Variants in FANCM observed in about 807,000 individuals in gnomAD.
The protein encoded by FANCM is FA complementation group M.
In FANCM, 140 loss-of-function variants were observed where a neutral mutation model predicts 199.5. That is an observed-to-expected ratio of 0.70 (90% CI 0.61 to 0.81). The LOEUF is 0.81. Among genes scored for constraint, FANCM ranks in the 30% least tolerant of loss-of-function variants. The pLI is 0.00. For missense variants in FANCM, 2,410 were observed against 2,421.4 expected (o/e 1.00, Z 0.10); for synonymous variants, 840 against 836.8 (o/e 1.00, Z -0.07).
At chr14:45,187,298 T>C (rs1889461898) in intron 18 of FANCM, among the ~76,000 whole-genome samples, 1 of 151,118 alleles carries the variant, frequency 6.6e-6, no homozygotes, top group Admixed American at 6.6e-5. Flanking sequence ...ATTATAACTT[T>C]TAAAAATGCT....
Position 45,135,954 on chromosome 14 carries a change from G to T in FANCM, c.-78G>T. 3.3e-6 allele frequency: 5 copies of T among 1,505,544 alleles called. No individual in the cohort carries two copies. The highest frequency in any genetic ancestry group is 4.6e-6 in the Non-Finnish European group (5 of 1,086,186). The allele number at this position is 1,505,544 out of a possible 1,614,324, so 93.3% of individuals were successfully genotyped here. On this transcript the variant is annotated 5_prime_UTR_variant, in exon 1 of 23. Coordinates refer to ENST00000267430, the MANE Select transcript of FANCM (RefSeq NM_020937.4). ...TCCAGAGTTTTGTGCGAAGGAAACC[G>T]ATGGGGATCGGAACCGTAGCGGTTG...
chr14:45,176,680 A>G lies in FANCM; in HGVS notation c.3926A>G (p.His1309Arg). 2 of 1,613,806 alleles carry G rather than the reference A, an allele frequency of 1.2e-6. No homozygotes were observed. Among genetic ancestry groups the G allele is most frequent in the Non-Finnish European group, 1.7e-6 (2 of 1,179,850 alleles). The change falls in exon 14 of 23, where the codon CAT becomes CGT. Residue 1309 changes from histidine to arginine, a missense_variant. His to Arg is a conservative substitution (Grantham distance 29). Transcript: ENST00000267430. ...GATATGCAGAATCCAAATTATGTAC[A>G]TTTGCCACTGAGTGCAGCAAAAAAT... is the stretch of plus-strand genomic sequence containing the variant. ...NEDMQNPNYV[H>R]LPLSAAKNEE...
chr14:45,136,388 T>C lies in FANCM; in HGVS notation c.357T>C (p.Phe119=), dbSNP rs1305896782. The part of the protein sequence containing the change: ...VCLPTGLGKT[F]IAAVVMYNFY... Reference sequence around the variant, plus strand: ...TGCCTACCGGACTGGGAAAGACCTTTATTGCCGCCGTGGTCATGTACAATT... The same window carrying C: ...TGCCTACCGGACTGGGAAAGACCTTCATTGCCGCCGTGGTCATGTACAATT... Residue 119 remains phenylalanine, a synonymous_variant, in exon 1 of 23, where the codon TTT becomes TTC. Transcript: ENST00000267430. 5.0e-6 allele frequency: 8 copies of C among 1,614,074 alleles called. No individual in the cohort carries two copies. Among genetic ancestry groups the C allele is most frequent in the Non-Finnish European group, 6.8e-6 (8 of 1,180,034 alleles).
intron 3 of FANCM, among the ~76,000 whole-genome samples, chr14:45,144,601 C>T (rs550455219): frequency 1.3e-5 from 2 of 152,288 alleles, no homozygotes; most frequent in African/African-American, 4.8e-5. Context: ...GCAGAGGAGC[C>T]TCTCCCCATG....
chr14:45,185,277 G>A lies in FANCM; in HGVS notation c.4576G>A (p.Val1526Ile), dbSNP rs982820875. The change falls in exon 18 of 23, where the codon GTT becomes ATT. Residue 1526 changes from valine (V) to isoleucine (I), a missense_variant. By Grantham distance (29) the Val-to-Ile change is conservative. Transcript: ENST00000267430. ...ACTTTCTGAAGAAGATGCAGAATATGTTTCATCAGATGAAAATGATGAGTC... is the reference window on the plus strand; with the variant it reads ...ACTTTCTGAAGAAGATGCAGAATATATTTCATCAGATGAAAATGATGAGTC... ...AELSEEDAEY[V>I]SSDENDESEN... 1.9e-6 allele frequency: 3 copies of A among 1,602,834 alleles called. No homozygotes were observed. The highest frequency in any genetic ancestry group is 2.6e-6 in the Non-Finnish European group (3 of 1,171,074).
chr14:45,163,815 A>G (rs1159835156), intron 9 of FANCM, among the ~76,000 whole-genome samples: 1 of 152,190 alleles, frequency 6.6e-6, no homozygotes, highest in African/African-American at 2.4e-5. Context: ...ATTGTTGACA[A>G]ATCCTTTTGA....
At chr14:45,156,133 A>AGG (rs1887172878) in intron 8 of FANCM, among the ~76,000 whole-genome samples, 1 of 152,088 alleles carries the variant, frequency 6.6e-6, no homozygotes, top group Non-Finnish European at 1.5e-5. Context: ...GGGATATTTA[A>AGG]AGTGATGATG....
intron 5 of FANCM, among the ~76,000 whole-genome samples, chr14:45,152,221 G>C (rs138826563): frequency 6.6e-6 from 1 of 151,602 alleles, no homozygotes; most frequent in Non-Finnish European, 1.5e-5. Flanking sequence ...GTAGAGAGAG[G>C]GTTTCATCAT....
intron 20 of FANCM, among the ~76,000 whole-genome samples, chr14:45,192,629 C>T (rs112634868): frequency 7.9e-5 from 12 of 151,736 alleles, no homozygotes; most frequent in Non-Finnish European, 5.9e-5. Flanking sequence ...TGCAACATAG[C>T]GAGACTCCAT....
chr14:45,181,942 C>G (rs1161011220), intron 16 of FANCM, among the ~76,000 whole-genome samples: 3 of 152,144 alleles, frequency 2.0e-5, no homozygotes, highest in Admixed American at 2.0e-4. Context: ...TAAAAACCAT[C>G]CTATTTTTGT....
Position 45,188,839 on chromosome 14 carries a change from T to G in FANCM, c.4817T>G (p.Phe1606Cys). 2 of 1,613,406 alleles carry G rather than the reference T, an allele frequency of 1.2e-6. No homozygotes were observed. The highest frequency in any genetic ancestry group is 3.3e-5 in the Admixed American group (2 of 59,986). The change falls in exon 20 of 23, where the codon TTT (phenylalanine) becomes TGT (cysteine). Residue 1606 changes from phenylalanine to cysteine, a missense_variant. Transcript: ENST00000267430. ...EQDETYLEDS[F>C]CVDEEESCKG... is the part of the protein sequence containing the mutation. ...GATGAAACCTATTTAGAGGATAGTT[T>G]TTGTGTTGATGAAGAGGAGTCTTGC...
At chr14:45,181,100 G>A (rs937625569) in intron 14 of FANCM, among the ~76,000 whole-genome samples, 1 of 152,184 alleles carries the variant, frequency 6.6e-6, no homozygotes, top group African/African-American at 2.4e-5. Flanking sequence ...AGATTTTAGA[G>A]ATAAATTCTA....
chr14:45,180,373 G>A (rs1844734397), intron 14 of FANCM, among the ~76,000 whole-genome samples: 2 of 152,094 alleles, frequency 1.3e-5, no homozygotes, highest in South Asian at 4.1e-4. Context: ...CTGTTAGTAG[G>A]AGACCTTGGT....
intron 14 of FANCM, among the ~76,000 whole-genome samples, chr14:45,180,375 G>A (rs920441424): frequency 1.3e-5 from 2 of 152,094 alleles, no homozygotes; most frequent in African/African-American, 4.8e-5. Flanking sequence ...GTTAGTAGGA[G>A]ACCTTGGTTT....
At chr14:45,198,561 G>GA in intron 21 of FANCM, 83 bp from the exon 22 acceptor site, 1 of 714,700 alleles carries the variant, frequency 1.4e-6, no homozygotes, top group Non-Finnish European at 2.0e-6. Context: ...TAGATCTTGG[G>GA]ATTTTAATAA....
rs773056258 is a variant in FANCM, at chr14:45,175,188, C to T, written c.2434C>T (p.His812Tyr). ...NNLASDTFIT[H>Y]KKSSFIKNIN... The stretch of plus-strand genomic sequence containing the variant: ...TCTTGCCAGTGACACCTTTATCACT[C>T]ACAAGAAATCGTCATTTATAAAGAA... Residue 812 changes from histidine to tyrosine, a missense_variant, in exon 14 of 23, where the codon CAC becomes TAC. Transcript: ENST00000267430. 1 of 1,609,322 alleles carries T rather than the reference C, an allele frequency of 6.2e-7. No individual in the cohort carries two copies. Among genetic ancestry groups the T allele is most frequent in the African/African-American group, 1.3e-5 (1 of 74,928 alleles).
rs1339363231 is a variant in FANCM, at chr14:45,175,633, T to G, written c.2879T>G (p.Phe960Cys). The change falls in exon 14 of 23, where the codon TTT (phenylalanine) becomes TGT (cysteine). Residue 960 changes from phenylalanine to cysteine, a missense_variant. Phe to Cys is a radical substitution (Grantham distance 205). Transcript: ENST00000267430. ...NDEKSVSSNLFLPFEEELYIV... is the reference protein window; with the variant it reads ...NDEKSVSSNLCLPFEEELYIV... ...GAAAAATCTGTTTCATCTAACTTAT[T>G]TCTTCCATTCGAAGAAGAGCTTTAT... The G allele has an allele frequency of 6.2e-7, 1 of 1,613,508 alleles. No homozygotes were observed. The highest frequency in any genetic ancestry group is 1.1e-5 in the South Asian group (1 of 91,060).
rs1298378119 is a variant in FANCM at position 45,148,959 on chromosome 14, T to G, written c.882T>G (p.Gly294=). The G allele has an allele frequency of 3.7e-6, 6 of 1,613,914 alleles. No homozygotes were observed. The South Asian group carries it at 6.6e-5, about 18-fold the overall frequency. ...TTGAAAAGCTTATTGTTCCGCTTGG[T>G]GAAGAACTTGCAGCCATCCAAAAGA... ...RKVEKLIVPL[G]EELAAIQKTY... Residue 294 remains glycine, a synonymous_variant, in exon 4 of 23, where the codon GGT becomes GGG. Transcript: ENST00000267430.
chr14:45,166,963 G>T lies in FANCM; in HGVS notation c.1802G>T (p.Ser601Ile). 1 of 1,545,024 alleles carries T rather than the reference G, an allele frequency of 6.5e-7. No homozygotes were observed. Among genetic ancestry groups the T allele is most frequent in the Non-Finnish European group, 8.9e-7 (1 of 1,117,524 alleles). The change falls in exon 11 of 23, where the codon AGT becomes ATT. Residue 601 changes from serine to isoleucine, a missense_variant. Physicochemically the swap from Ser to Ile is moderately radical, Grantham distance 142. Coordinates refer to ENST00000267430, the MANE Select transcript of FANCM (RefSeq NM_020937.4). ...EGREERIYNQ[S>I]QSNKRSIYKA... The stretch of plus-strand genomic sequence containing the variant: ...TTGTTTTTACAGATTTATAATCAGA[G>T]TCAGTCCAACAAAAGAAGTATATAT...
Sources: gnomAD v4.1 joint callset for allele counts (sites outside exome capture counted in the v4.1 genomes callset) on GRCh38, gnomAD v4.1.1 for gene constraint, MANE v1.5 for transcripts, NCBI Gene and HGNC (gene_info 2026-07-23, HGNC 2026-07-21) for gene names.